The following WDR25 variants were observed in gnomAD, a reference collection of about 807,000 sequenced individuals.
WDR25 encodes WD repeat-containing protein 25.
WDR25 carries 35 observed loss-of-function variants against 47.7 expected under a neutral mutation model. The ratio of observed to expected loss-of-function variants is 0.73; its 90% CI spans 0.56 to 0.97. WDR25 has a LOEUF of 0.97. Among genes scored for constraint, WDR25 ranks in the 50% least tolerant of loss-of-function variants. The probability of loss-of-function intolerance (pLI) is 0.00; values close to 1 mark genes in which losing one functional copy is unlikely to be tolerated. For missense variants in WDR25, 634 were observed against 704.7 expected, an observed-to-expected ratio of 0.90 and a Z score of 1.14; for synonymous variants, 248 against 278.9, an observed-to-expected ratio of 0.89 and a Z score of 1.10.
At chr14:100,417,925 TG>T (rs1320339573) in intron 2 of WDR25, among the ~76,000 whole-genome samples, 1 of 151,850 alleles carries the variant, frequency 6.6e-6, no homozygotes, top group Non-Finnish European at 1.5e-5. Flanking sequence ...TCATGAAGGT[TG>T]TTCTTAGTTT....
Position 100,530,123 on chromosome 14 carries a change from A to G in WDR25, c.*82A>G, listed in dbSNP as rs1286161520. 1 of 1,447,076 alleles carries G rather than the reference A, an allele frequency of 6.9e-7. No individual in the cohort carries two copies. The highest frequency in any genetic ancestry group is 1.4e-5 in the African/African-American group (1 of 71,280). 89.6% of individuals were successfully genotyped at this position (1,447,076 alleles called of 1,614,324 possible). The stretch of plus-strand genomic sequence containing the variant: ...TCAAGGGTAGATGAGAGGAACGAGC[A>G]CAGAGGTTGGCTGTGGGTCCTGGGT... On this transcript the variant is annotated 3_prime_UTR_variant, in exon 7 of 7. Coordinates refer to ENST00000402312, the MANE Select transcript of WDR25 (RefSeq NM_001161476.3).
intron 2 of WDR25, among the ~76,000 whole-genome samples, chr14:100,427,525 C>T (rs978559872): frequency 6.6e-6 from 1 of 152,178 alleles, no homozygotes; most frequent in Non-Finnish European, 1.5e-5. Context: ...GGCAAGAGTC[C>T]TGGTGCCGAG....
At chr14:100,483,481 C>T (rs923599227) in intron 3 of WDR25, among the ~76,000 whole-genome samples, 16 of 152,164 alleles carry the variant, frequency 1.1e-4, no homozygotes, top group Admixed American at 3.9e-4. Context: ...GGCCACCCCA[C>T]CTGCCATGCT....
At chr14:100,527,398 C>G (rs1479657743) in intron 5 of WDR25, among the ~76,000 whole-genome samples, 2 of 152,170 alleles carry the variant, frequency 1.3e-5, no homozygotes, top group Admixed American at 1.3e-4. Context: ...TTTCAACTAA[C>G]CCAAGACTAA....
chr14:100,379,758 T>C (rs1292870842), intron 1 of WDR25, among the ~76,000 whole-genome samples: 1 of 152,010 alleles, frequency 6.6e-6, no homozygotes, highest in African/African-American at 2.4e-5. Context: ...TTTTACTTTT[T>C]TGAGACAGAG....
intron 1 of WDR25, among the ~76,000 whole-genome samples, chr14:100,379,315 G>A (rs1259312807): frequency 6.6e-6 from 1 of 152,008 alleles, no homozygotes; most frequent in Non-Finnish European, 1.5e-5. Flanking sequence ...TGACCAAAAT[G>A]GACCTTCCAA....
At chr14:100,491,734 C>G (rs1002035473) in intron 4 of WDR25, among the ~76,000 whole-genome samples, 1 of 152,210 alleles carries the variant, frequency 6.6e-6, no homozygotes, top group Admixed American at 6.5e-5. Context: ...CATGGACAGC[C>G]CTGGCATTCA....
chr14:100,402,008 C>T (rs983491153), intron 2 of WDR25, among the ~76,000 whole-genome samples: 7 of 152,244 alleles, frequency 4.6e-5, no homozygotes, highest in African/African-American at 1.4e-4. Flanking sequence ...TTTGCTCAAT[C>T]GTGCGAGGCT....
intron 1 of WDR25, among the ~76,000 whole-genome samples, chr14:100,379,560 G>T (rs528038532): frequency 2.0e-5 from 3 of 151,688 alleles, no homozygotes; most frequent in African/African-American, 7.3e-5. Context: ...GCTAATTTTT[G>T]TATTTTTAGT....
At chr14:100,492,322 C>T (rs1200378859) in intron 4 of WDR25, among the ~76,000 whole-genome samples, 4 of 152,210 alleles carry the variant, frequency 2.6e-5, no homozygotes, top group Non-Finnish European at 5.9e-5. Context: ...TGCCCTGCAA[C>T]CCAGTCCTCC....
intron 4 of WDR25, among the ~76,000 whole-genome samples, chr14:100,517,705 G>A (rs1002197112): frequency 6.6e-6 from 1 of 152,164 alleles, no homozygotes; most frequent in South Asian, 2.1e-4. Flanking sequence ...TTAGCCGGGC[G>A]TGGTGGCACG....
rs1304304147 is a variant in WDR25, at chr14:100,523,640, A to G, written c.1102-2230A>G. 6.6e-6 allele frequency among the ~76,000 whole-genome samples: 1 copy of G among 152,136 alleles called. No individual in the cohort carries two copies. The highest frequency in any genetic ancestry group is 1.9e-4 in the East Asian group (1 of 5,192). On this transcript the variant is annotated intron_variant, in intron 4 of 6. Transcript: ENST00000402312. The surrounding 1 kb of genome is among the most constrained non-coding windows in gnomAD (Gnocchi z 4.7). The stretch of plus-strand genomic sequence containing the variant: ...TGCACTCTGGAAGTGGCAGGAACCC[A>G]AGGCTGCTCTGGACGAGTCAGCAGC...
At chr14:100,382,385 C>T (rs1896925600) in intron 2 of WDR25, among the ~76,000 whole-genome samples, 1 of 152,070 alleles carries the variant, frequency 6.6e-6, no homozygotes, top group Non-Finnish European at 1.5e-5. Flanking sequence ...GCTGCAGGAG[C>T]CCTGTGTATG....
intron 2 of WDR25, among the ~76,000 whole-genome samples, chr14:100,444,308 G>A (rs1161628044): frequency 1.3e-5 from 2 of 152,250 alleles, no homozygotes; most frequent in African/African-American, 4.8e-5. Context: ...TGTCCTCCCG[G>A]GAGCCCTGCA....
chr14:100,479,676 G>A (rs1011749544), intron 3 of WDR25, among the ~76,000 whole-genome samples: 2 of 152,124 alleles, frequency 1.3e-5, no homozygotes, highest in African/African-American at 4.8e-5. Context: ...TCATTTCAGT[G>A]AATCTCTTCC....
At chr14:100,399,084 CT>C (rs113216699) in intron 2 of WDR25, among the ~76,000 whole-genome samples, 21 of 148,832 alleles carry the variant, frequency 1.4e-4, no homozygotes, top group East Asian at 7.9e-4. Context: ...TTCCTTTTTT[CT>C]TTTTTTTTTC....
intron 1 of WDR25, 22 bp from the exon 2 acceptor site, chr14:100,380,888 G>A (rs1566879921): frequency 1.1e-5 from 18 of 1,590,606 alleles, no homozygotes; most frequent in Non-Finnish European, 1.4e-5. Context: ...ATTTTCTGAC[G>A]GTTGACCTTG....
At chr14:100,467,291 C>T (rs4905964) in intron 2 of WDR25, among the ~76,000 whole-genome samples, 104,349 of 151,292 alleles carry the variant, frequency 0.69, 36,949 homozygotes, top group African/African-American at 0.85. Flanking sequence ...GGGATGCAGG[C>T]GAGCCTGGGA....
intron 3 of WDR25, among the ~76,000 whole-genome samples, chr14:100,470,984 C>T (rs187370798): frequency 1.3e-5 from 2 of 152,326 alleles, no homozygotes; most frequent in East Asian, 1.9e-4. Flanking sequence ...TTGAAGGCCC[C>T]GTTTCGTTCA....
Sources: gnomAD v4.1 joint callset for allele counts (sites outside exome capture counted in the v4.1 genomes callset) on GRCh38, gnomAD v4.1.1 for gene constraint, Gnocchi (gnomAD v3.1) non-coding constraint, MANE v1.5 for transcripts, NCBI Gene and HGNC (gene_info 2026-07-23, HGNC 2026-07-21) for gene names.